The following SNTG1 variants were observed in gnomAD, a reference collection of about 807,000 sequenced individuals.
SNTG1 encodes the protein syntrophin gamma 1.
Under a neutral mutation model 74.7 loss-of-function variants are expected in SNTG1, and 39 were observed. The observed-to-expected ratio is 0.52, with a 90% CI of 0.40 to 0.68. The LOEUF (loss-of-function observed/expected upper bound fraction) is 0.68. Ranked by LOEUF, SNTG1 falls within the 30% of genes least tolerant of loss-of-function variation. The pLI is 0.00. For missense variants in SNTG1, 685 were observed against 609.5 expected, an observed-to-expected ratio of 1.12 and a Z score of -1.30; for synonymous variants, 254 against 217.1, an observed-to-expected ratio of 1.17 and a Z score of -1.49.
intron 5 of SNTG1, among the ~76,000 whole-genome samples, chr8:50,443,473 ATT>A (rs1456457425): frequency 1.3e-4 from 20 of 152,142 alleles, no homozygotes; most frequent in African/African-American, 4.8e-4. Context: ...AATTATAATC[ATT>A]ATTACTCTTA....
intron 9 of SNTG1, among the ~76,000 whole-genome samples, chr8:50,513,216 G>T (rs2094100085): frequency 1.3e-5 from 2 of 152,308 alleles, no homozygotes; most frequent in African/African-American, 4.8e-5. Context: ...CAGCAGTGGA[G>T]GCTGCAGAAC....
chr8:50,786,939 G>C (rs1438677276), intron 18 of SNTG1, among the ~76,000 whole-genome samples: 1 of 151,856 alleles, frequency 6.6e-6, no homozygotes, highest in Non-Finnish European at 1.5e-5. Context: ...ATTGTGCTTA[G>C]ACTCCACACC....
chr8:49,965,373 A>T (rs1811049279), intron 1 of SNTG1, among the ~76,000 whole-genome samples: 1 of 152,192 alleles, frequency 6.6e-6, no homozygotes, highest in Non-Finnish European at 1.5e-5. Flanking sequence ...GTATACAGTG[A>T]CTGAGGCCTG....
At chr8:50,792,273 G>A (rs1262461079) in intron 18 of SNTG1, among the ~76,000 whole-genome samples, 1 of 151,744 alleles carries the variant, frequency 6.6e-6, no homozygotes, top group African/African-American at 2.4e-5. Flanking sequence ...GAATACTCAA[G>A]AATAGTTTTA....
intron 1 of SNTG1, among the ~76,000 whole-genome samples, chr8:50,056,811 T>C (rs752500415): frequency 1.3e-5 from 2 of 152,058 alleles, no homozygotes; most frequent in East Asian, 1.9e-4. Flanking sequence ...ATGGAGGCAA[T>C]TGGGGATTGC....
In SNTG1 at chr8:50,197,556, A is replaced by C. The variant is rs556847197; in HGVS notation, c.-28+24921A>C. The stretch of plus-strand genomic sequence containing the variant: ...ATAACACCAGAATGAATATCCTTGC[A>C]TACTTTCCCTTGTGTGAGAATATCT... On this transcript the variant is annotated intron_variant, in intron 2 of 18. Transcript: ENST00000642720. Among the ~76,000 whole-genome samples, 9 of 152,280 alleles carry C rather than the reference A, an allele frequency of 5.9e-5. No homozygotes were observed. In the South Asian group the frequency reaches 1.7e-3, roughly 28 times the overall value.
At chr8:50,515,938 A>G (rs2130053578) in intron 9 of SNTG1, among the ~76,000 whole-genome samples, 1 of 152,294 alleles carries the variant, frequency 6.6e-6, no homozygotes. Flanking sequence ...ACAGAGTGCA[A>G]GCTCTGCTAA....
chr8:50,631,224 A>C (rs563384832), intron 13 of SNTG1, among the ~76,000 whole-genome samples: 6 of 152,360 alleles, frequency 3.9e-5, no homozygotes, highest in African/African-American at 1.4e-4. Context: ...TTCTGTATAC[A>C]TTTCCTGTCT....
At chr8:50,256,938 C>T (rs971721884) in intron 2 of SNTG1, among the ~76,000 whole-genome samples, 2 of 152,254 alleles carry the variant, frequency 1.3e-5, no homozygotes, top group South Asian at 4.1e-4. Flanking sequence ...CTGCTACCAC[C>T]TCTGTGTTCA....
At chr8:50,532,623 C>T (rs2094278072) in intron 10 of SNTG1, among the ~76,000 whole-genome samples, 1 of 152,026 alleles carries the variant, frequency 6.6e-6, no homozygotes, top group Non-Finnish European at 1.5e-5. Flanking sequence ...ACAGCCAGGG[C>T]TAGCACGTGC....
At chr8:50,765,605 A>G (rs992150719) in intron 18 of SNTG1, among the ~76,000 whole-genome samples, 1 of 152,028 alleles carries the variant, frequency 6.6e-6, no homozygotes, top group Non-Finnish European at 1.5e-5. Context: ...TATCTCCAAC[A>G]TAGTACTATG....
At chr8:50,716,295 A>C (rs1388541413) in intron 17 of SNTG1, among the ~76,000 whole-genome samples, 3 of 152,178 alleles carry the variant, frequency 2.0e-5, no homozygotes, top group Non-Finnish European at 4.4e-5. Flanking sequence ...TGAAACATCA[A>C]AATGAATTCT....
At chr8:50,412,821 A>G (rs2092966245) in intron 4 of SNTG1, among the ~76,000 whole-genome samples, 2 of 152,264 alleles carry the variant, frequency 1.3e-5, no homozygotes, top group South Asian at 4.1e-4. Flanking sequence ...TGGTTTAGTC[A>G]TGGGACATGT....
chr8:50,777,151 C>T (rs944226239), intron 18 of SNTG1, among the ~76,000 whole-genome samples: 4 of 150,086 alleles, frequency 2.7e-5, no homozygotes, highest in Admixed American at 6.7e-5. Flanking sequence ...TTCGCTATTA[C>T]GTCTTTCAAT....
At chr8:50,079,645 A>G (rs1339241905) in intron 1 of SNTG1, among the ~76,000 whole-genome samples, 1 of 152,080 alleles carries the variant, frequency 6.6e-6, no homozygotes, top group East Asian at 1.9e-4. Flanking sequence ...GCTCATGCCT[A>G]TGTCCTAAGT....
At chr8:49,931,672 G>A (rs1033097377) in intron 1 of SNTG1, among the ~76,000 whole-genome samples, 1 of 152,104 alleles carries the variant, frequency 6.6e-6, no homozygotes, top group African/African-American at 2.4e-5. Flanking sequence ...ATCAATATCG[G>A]TATGTATTCA....
intron 4 of SNTG1, among the ~76,000 whole-genome samples, chr8:50,411,829 C>T (rs754920834): frequency 2.6e-5 from 4 of 152,152 alleles, no homozygotes; most frequent in South Asian, 2.1e-4. Context: ...ACATTGTCAC[C>T]GGATCCCCTG....
intron 12 of SNTG1, among the ~76,000 whole-genome samples, chr8:50,556,327 G>A (rs1021396190): frequency 6.6e-6 from 1 of 152,150 alleles, no homozygotes; most frequent in African/African-American, 2.4e-5. Context: ...AGGCTATGCT[G>A]TTGTGGGGTG....
intron 18 of SNTG1, among the ~76,000 whole-genome samples, chr8:50,777,008 A>G (rs2095642684): frequency 6.6e-6 from 1 of 151,686 alleles, no homozygotes; most frequent in Admixed American, 6.6e-5. Context: ...TGCTCTCAAG[A>G]CTTTTTGCTG....
Sources: gnomAD v4.1 joint callset for allele counts (sites outside exome capture counted in the v4.1 genomes callset) on GRCh38, gnomAD v4.1.1 for gene constraint, MANE v1.5 for transcripts, NCBI Gene and HGNC (gene_info 2026-07-23, HGNC 2026-07-21) for gene names.